SNTB2: variants seen among roughly 807,000 people sequenced by gnomAD.
SNTB2 encodes the protein syntrophin beta 2.
In SNTB2, 34 loss-of-function variants were observed where a neutral mutation model predicts 46.2. The observed-to-expected ratio is 0.74, with a 90% CI of 0.56 to 0.98. The LOEUF is 0.98. Ranked by LOEUF, SNTB2 falls within the 50% of genes least tolerant of loss-of-function variation. SNTB2 has a pLI of 0.00. For synonymous variants in SNTB2, 290 were observed against 312.6 expected (o/e 0.93, Z 0.76); for missense variants, 603 against 731.4 (o/e 0.82, Z 2.02).
chr16:69,297,255 T>A lies in SNTB2; in HGVS notation c.1346-2335T>A, dbSNP rs1170803155. Among the ~76,000 whole-genome samples, 5 of 126,308 alleles carry A rather than the reference T, an allele frequency of 4.0e-5. No homozygotes were observed. The South Asian group carries it at 1.3e-3, about 33-fold the overall frequency. 82.9% of individuals were successfully genotyped at this position (126,308 alleles called of 152,430 possible). The stretch of plus-strand genomic sequence containing the variant: ...CCGGGAGGCAGAGGTTGCAGTCAGC[T>A]GAGATTGCGCCAGTGCACTCCAGTC... On this transcript the variant is annotated intron_variant, in intron 5 of 6. Coordinates refer to ENST00000336278, the MANE Select transcript of SNTB2 (RefSeq NM_006750.4).
At position 69,189,758 on chromosome 16, in the gene SNTB2, A is replaced by C. The variant is rs184250086; in HGVS notation, c.580+2012A>C. ...GAGCAAGACTCCATCTCAAAAACAAACAACCAACCTACTTTTTGTATAGGT... is the reference window on the plus strand; with the variant it reads ...GAGCAAGACTCCATCTCAAAAACAACCAACCAACCTACTTTTTGTATAGGT... On this transcript the variant is annotated intron_variant, in intron 1 of 6. Transcript: ENST00000336278. Among the ~76,000 whole-genome samples, 191 of 152,316 alleles carry C rather than the reference A, an allele frequency of 1.3e-3. 2 individuals carry two copies. In the South Asian group the frequency reaches 0.015, roughly 12 times the overall value.
Position 69,284,051 on chromosome 16 carries a change from G to C in SNTB2, c.1152G>C (p.Leu384Phe), listed in dbSNP as rs765065288. The C allele has an allele frequency of 1.2e-6, 2 of 1,610,036 alleles. No individual in the cohort carries two copies. The highest frequency in any genetic ancestry group is 2.7e-5 in the African/African-American group (2 of 74,790). The change falls in exon 5 of 7, where the codon TTG becomes TTC. Residue 384 changes from leucine to phenylalanine, a missense_variant. Around this residue, in one of 2 missense-constraint regions of SNTB2, gnomAD observed 537 missense variants for 692.4 expected, o/e 0.78. Coordinates refer to ENST00000336278, the MANE Select transcript of SNTB2 (RefSeq NM_006750.4). ...CHSYPLVATR[L>F]VHSGSGCRSP... ...TCTGCTCTGTTTGTGGTCCTAGGTT[G>C]GTTCATTCTGGCTCCGGATGTCGAT... is the stretch of plus-strand genomic sequence containing the variant.
chr16:69,304,722 G>A lies in SNTB2; in HGVS notation c.*3798G>A, dbSNP rs1965302873. 6.6e-6 allele frequency: 1 copy of A among 151,530 alleles called. No individual in the cohort carries two copies. Among genetic ancestry groups the A allele is most frequent in the African/African-American group, 2.4e-5 (1 of 41,238 alleles). The allele number at this position is 151,530 out of a possible 1,614,324, so 9.4% of individuals were successfully genotyped here. A position where few individuals can be genotyped will look rare whatever the true frequency, so the allele number is the denominator to read the frequency against. ...TCTGTCACCGAGGTTGGAGTGCAGT[G>A]GTATGATCATAGCTGACTGCAGCCT... is the stretch of plus-strand genomic sequence containing the variant. On this transcript the variant is annotated 3_prime_UTR_variant, in exon 7 of 7. Coordinates refer to ENST00000336278, the MANE Select transcript of SNTB2 (RefSeq NM_006750.4).
At chr16:69,270,919 TAACAA>T (rs1964931354) in intron 4 of SNTB2, among the ~76,000 whole-genome samples, 1 of 152,166 alleles carries the variant, frequency 6.6e-6, no homozygotes, top group African/African-American at 2.4e-5. Context: ...TTTTTGGACT[TAACAA>T]AAGAATCAGG....
chr16:69,235,535 A>G (rs1964550392), intron 1 of SNTB2, among the ~76,000 whole-genome samples: 1 of 152,142 alleles, frequency 6.6e-6, no homozygotes, highest in Non-Finnish European at 1.5e-5. Flanking sequence ...TAATCACTGT[A>G]AATGTCCTTC....
At chr16:69,191,391 CA>C (rs60703484) in intron 1 of SNTB2, among the ~76,000 whole-genome samples, 7,309 of 7,464 alleles carry the variant, frequency 0.98, 3,603 homozygotes, top group Middle Eastern at 1. Flanking sequence ...ACAAAAACTT[CA>C]AAAAAAAAAA....
At chr16:69,260,889 A>G (rs368854322) in intron 3 of SNTB2, among the ~76,000 whole-genome samples, 24 of 152,352 alleles carry the variant, frequency 1.6e-4, no homozygotes, top group African/African-American at 5.5e-4. Flanking sequence ...TGAAAAGTGA[A>G]AAAAAGAGAA....
At chr16:69,235,622 G>T (rs1964551866) in intron 1 of SNTB2, 3 of 1,160,040 alleles carry the variant, frequency 2.6e-6, no homozygotes, top group Non-Finnish European at 2.2e-6. Flanking sequence ...AGGAAGAAAG[G>T]CGGGAAGTGG....
chr16:69,204,556 C>T (rs1353743518), intron 1 of SNTB2, among the ~76,000 whole-genome samples: 1 of 152,182 alleles, frequency 6.6e-6, no homozygotes, highest in Non-Finnish European at 1.5e-5. Context: ...TTCACAAGGA[C>T]AGATGATTCA....
At chr16:69,253,140 C>T (rs1345133524) in intron 2 of SNTB2, among the ~76,000 whole-genome samples, 1 of 151,220 alleles carries the variant, frequency 6.6e-6, no homozygotes. Context: ...ACCTCGTGAT[C>T]CACCCACCTT....
intron 5 of SNTB2, among the ~76,000 whole-genome samples, chr16:69,284,753 G>A (rs759089821): frequency 7.2e-5 from 11 of 152,032 alleles, no homozygotes; most frequent in African/African-American, 1.7e-4. Flanking sequence ...CAGTCTGGGC[G>A]ACAGAGTGAG....
intron 5 of SNTB2, among the ~76,000 whole-genome samples, chr16:69,284,956 A>G (rs928395470): frequency 2.6e-5 from 4 of 152,178 alleles, no homozygotes; most frequent in African/African-American, 4.8e-5. Flanking sequence ...AGCTGGCTAC[A>G]GTATTCAGCG....
At chr16:69,256,614 T>C (rs111855093) in intron 2 of SNTB2, among the ~76,000 whole-genome samples, 3 of 152,296 alleles carry the variant, frequency 2.0e-5, no homozygotes, top group African/African-American at 7.2e-5. Flanking sequence ...TATAATATCC[T>C]CAATGTTGAT....
intron 2 of SNTB2, among the ~76,000 whole-genome samples, chr16:69,252,262 G>A (rs1455018003): frequency 8.5e-5 from 13 of 152,196 alleles, no homozygotes; most frequent in East Asian, 5.8e-4. Context: ...CAGGGGAAGA[G>A]GAATTTTACT....
intron 1 of SNTB2, among the ~76,000 whole-genome samples, chr16:69,206,539 A>G (rs1432704410): frequency 6.6e-6 from 1 of 151,478 alleles, no homozygotes; most frequent in Non-Finnish European, 1.5e-5. Context: ...TAAAAATACA[A>G]AATTAGCCGG....
intron 1 of SNTB2, among the ~76,000 whole-genome samples, chr16:69,232,373 T>A (rs112631635): frequency 0.05 from 7,445 of 150,164 alleles, 253 homozygotes; most frequent in Non-Finnish European, 0.071. Context: ...GCCCGGCTAA[T>A]TTTTTGTATT....
At chr16:69,199,396 A>G (rs1297662993) in intron 1 of SNTB2, among the ~76,000 whole-genome samples, 3 of 150,164 alleles carry the variant, frequency 2.0e-5, no homozygotes, top group Non-Finnish European at 4.4e-5. Context: ...CATTTTAACT[A>G]GCAGCTAATC....
intron 1 of SNTB2, among the ~76,000 whole-genome samples, chr16:69,199,670 A>G (rs1286340279): frequency 1.6e-4 from 25 of 151,874 alleles, no homozygotes. Context: ...AATATTGAGC[A>G]ATCTAGATTG....
intron 2 of SNTB2, among the ~76,000 whole-genome samples, chr16:69,247,042 G>C (rs1003516014): frequency 7.0e-6 from 1 of 143,230 alleles, no homozygotes; most frequent in African/African-American, 2.6e-5. Context: ...AAAACTTAAA[G>C]TATAATAAAA....
Sources: allele counts gnomAD v4.1 joint callset (sites outside exome capture counted in the v4.1 genomes callset), GRCh38; gene constraint gnomAD v4.1.1; regional missense constraint gnomAD v4.1.1; transcripts MANE v1.5; gene names NCBI Gene and HGNC (gene_info 2026-07-23, HGNC 2026-07-21).